The following MAML3 variants were observed in gnomAD, a reference collection of about 807,000 sequenced individuals.
MAML3 encodes the protein mastermind-like protein 3.
In MAML3, 27 loss-of-function variants were observed where a neutral mutation model predicts 101.9. That is an observed-to-expected ratio of 0.27 (90% CI 0.20 to 0.37). MAML3 has a LOEUF of 0.37. Ranked by LOEUF, MAML3 falls within the 10% of genes least tolerant of loss-of-function variation. The pLI is 1.00. For missense variants in MAML3, 1,316 were observed against 1,444.9 expected (o/e 0.91, Z 1.45); for synonymous variants, 501 against 555.9 (o/e 0.90, Z 1.39).
chr4:139,825,465 T>C (rs2111126972), intron 2 of MAML3, among the ~76,000 whole-genome samples: 1 of 152,300 alleles, frequency 6.6e-6, no homozygotes, highest in East Asian at 1.9e-4. Context: ...CTCTCATCTT[T>C]TTATAAGATA....
chr4:140,084,653 C>T (rs553204692), intron 1 of MAML3, among the ~76,000 whole-genome samples: 3 of 152,250 alleles, frequency 2.0e-5, no homozygotes, highest in Admixed American at 1.3e-4. Flanking sequence ...CACGACCTAA[C>T]GCCAGCATTT....
intron 2 of MAML3, among the ~76,000 whole-genome samples, chr4:139,747,343 A>G (rs1411795547): frequency 6.6e-6 from 1 of 152,186 alleles, no homozygotes; most frequent in African/African-American, 2.4e-5. Flanking sequence ...TCCTTTTAGC[A>G]TCTGCATGCA....
At chr4:140,051,505 C>T (rs1204120857) in intron 1 of MAML3, among the ~76,000 whole-genome samples, 12 of 150,708 alleles carry the variant, frequency 8.0e-5, no homozygotes, top group Non-Finnish European at 1.2e-4. Flanking sequence ...TGCAGTGAGC[C>T]GAAATCGAGC....
intron 1 of MAML3, among the ~76,000 whole-genome samples, chr4:140,021,868 T>C (rs1199983709): frequency 1.3e-5 from 2 of 152,186 alleles, no homozygotes; most frequent in Non-Finnish European, 2.9e-5. Flanking sequence ...AGCACTGTCA[T>C]CATAATGAGA....
intron 2 of MAML3, among the ~76,000 whole-genome samples, chr4:139,853,718 C>A (rs1052970524): frequency 5.3e-5 from 8 of 152,168 alleles, no homozygotes; most frequent in Non-Finnish European, 1.0e-4. Context: ...AACTTCATTA[C>A]CTTCCAAGGT....
Position 139,977,711 on chromosome 4 carries a change from A to G in MAML3, c.469-86744T>C, listed in dbSNP as rs557768553. ...AACATGGTGAAACCCCGTCTCTACT[A>G]AAAATACAAAAATCAGCTGGGTGTG... On this transcript the variant is annotated intron_variant, in intron 1 of 4. Transcript: ENST00000509479. Among the ~76,000 whole-genome samples the G allele has an allele frequency of 2.0e-5, 3 of 152,102 alleles. No homozygotes were observed. The South Asian group carries it at 6.2e-4, about 32-fold the overall frequency.
At chr4:139,803,637 A>T (rs1044452221) in intron 2 of MAML3, among the ~76,000 whole-genome samples, 2 of 152,214 alleles carry the variant, frequency 1.3e-5, no homozygotes, top group Admixed American at 6.5e-5. Flanking sequence ...ATACTGCCAC[A>T]TACCCCCACT....
At chr4:140,112,773 T>C (rs1233054625) in intron 1 of MAML3, among the ~76,000 whole-genome samples, 1 of 152,228 alleles carries the variant, frequency 6.6e-6, no homozygotes, top group African/African-American at 2.4e-5. Flanking sequence ...AAATTATTTA[T>C]CACATTCCAC....
At chr4:139,734,410 C>T (rs1479589613) in intron 2 of MAML3, among the ~76,000 whole-genome samples, 2 of 152,180 alleles carry the variant, frequency 1.3e-5, no homozygotes, top group African/African-American at 4.8e-5. Flanking sequence ...TGCCCAACGA[C>T]CTCCCTTGCT....
intron 2 of MAML3, among the ~76,000 whole-genome samples, chr4:139,747,098 G>A (rs1159328359): frequency 6.6e-6 from 1 of 152,218 alleles, no homozygotes; most frequent in Non-Finnish European, 1.5e-5. Context: ...AAGCAAAGGG[G>A]TTGAGGATGG....
intron 2 of MAML3, among the ~76,000 whole-genome samples, chr4:139,885,947 A>G (rs1732327233): frequency 6.9e-6 from 1 of 144,738 alleles, no homozygotes; most frequent in Admixed American, 7.2e-5. Context: ...AAAAAAAAAA[A>G]AAAAAAAAAA....
chr4:139,936,557 T>C (rs1471271162), intron 1 of MAML3, among the ~76,000 whole-genome samples: 1 of 152,202 alleles, frequency 6.6e-6, no homozygotes, highest in Non-Finnish European at 1.5e-5. Flanking sequence ...TCTTCTTTTT[T>C]GTGTGTGCAC....
intron 1 of MAML3, among the ~76,000 whole-genome samples, chr4:140,084,942 G>A (rs1431409768): frequency 2.0e-5 from 3 of 152,044 alleles, no homozygotes; most frequent in Non-Finnish European, 4.4e-5. Flanking sequence ...ATCGGGGGGC[G>A]GCAGGGGAGG....
At chr4:139,756,824 C>T (rs1358697558) in intron 2 of MAML3, among the ~76,000 whole-genome samples, 1 of 152,140 alleles carries the variant, frequency 6.6e-6, no homozygotes, top group Non-Finnish European at 1.5e-5. Flanking sequence ...GGGGAAACAC[C>T]CAGGTTTTGC....
chr4:139,927,072 C>T (rs1022490535), intron 1 of MAML3, among the ~76,000 whole-genome samples: 13 of 134,716 alleles, frequency 9.6e-5, no homozygotes, highest in South Asian at 2.4e-4. Context: ...TTTCTTTTTT[C>T]TTTTTTTTTT....
intron 2 of MAML3, among the ~76,000 whole-genome samples, chr4:139,885,004 C>G (rs2111191428): frequency 6.6e-6 from 1 of 152,324 alleles, no homozygotes; most frequent in South Asian, 2.1e-4. Flanking sequence ...ATAGTAAGTT[C>G]TATTTCATAA....
At chr4:139,792,276 C>T (rs10006946) in intron 2 of MAML3, among the ~76,000 whole-genome samples, 6,578 of 152,218 alleles carry the variant, frequency 0.043, 191 homozygotes, top group African/African-American at 0.081. Flanking sequence ...ATCTACTCCA[C>T]TTCCTCCTAT....
At position 140,116,004 on chromosome 4, in the gene MAML3, A is replaced by C. The variant is rs570764586; in HGVS notation, c.468+36856T>G. Reference sequence around the variant, plus strand: ...AAGTATATACAAATATATAGAGTACATATATTTGCCAAATAAATGTCCTTT... The same window carrying C: ...AAGTATATACAAATATATAGAGTACCTATATTTGCCAAATAAATGTCCTTT... On this transcript the variant is annotated intron_variant, in intron 1 of 4. Transcript: ENST00000509479. Among the ~76,000 whole-genome samples the C allele has an allele frequency of 6.6e-5, 10 of 152,324 alleles. No individual in the cohort carries two copies. In the South Asian group the frequency reaches 1.7e-3, roughly 25 times the overall value.
At chr4:139,790,243 A>ATG (rs58932618) in intron 2 of MAML3, among the ~76,000 whole-genome samples, 1 of 141,564 alleles carries the variant, frequency 7.1e-6, no homozygotes, top group African/African-American at 2.6e-5. Context: ...ATATATATAT[A>ATG]AATAAATATA....
Sources: gnomAD v4.1 joint callset for allele counts (sites outside exome capture counted in the v4.1 genomes callset) on GRCh38, gnomAD v4.1.1 for gene constraint, MANE v1.5 for transcripts, NCBI Gene and HGNC (gene_info 2026-07-23, HGNC 2026-07-21) for gene names.